AMOTL1: variants seen among roughly 807,000 people sequenced by gnomAD.
AMOTL1 encodes angiomotin-like protein 1.
In AMOTL1, 45 loss-of-function variants were observed where a neutral mutation model predicts 102.9. The ratio of observed to expected loss-of-function variants is 0.44; its 90% CI spans 0.34 to 0.56. AMOTL1 has a LOEUF of 0.56. Ranked by LOEUF, AMOTL1 falls within the 20% of genes least tolerant of loss-of-function variation. The pLI, the probability that AMOTL1 is intolerant of heterozygous loss-of-function variation, is 0.01. For synonymous variants in AMOTL1, 481 were observed against 484.7 expected, an observed-to-expected ratio of 0.99 and a Z score of 0.10; for missense variants, 1,114 against 1,225.6, an observed-to-expected ratio of 0.91 and a Z score of 1.36.
intron 4 of AMOTL1, among the ~76,000 whole-genome samples, chr11:94,826,858 TA>T (rs1951975646): frequency 6.6e-6 from 1 of 152,204 alleles, no homozygotes; most frequent in Non-Finnish European, 1.5e-5. Flanking sequence ...TCATAGGAAT[TA>T]CCTTGTTCTG....
At chr11:94,728,763 C>T (rs1950299834) in intron 1 of AMOTL1, among the ~76,000 whole-genome samples, 2 of 152,164 alleles carry the variant, frequency 1.3e-5, no homozygotes, top group South Asian at 4.1e-4. Context: ...TGAGCAACTT[C>T]ACACTCAGGC....
chr11:94,775,300 G>T (rs1392082486), intron 1 of AMOTL1, among the ~76,000 whole-genome samples: 1 of 152,298 alleles, frequency 6.6e-6, no homozygotes, highest in South Asian at 2.1e-4. Flanking sequence ...CATGAAGAAG[G>T]TTCCTGCAGT....
intron 3 of AMOTL1, among the ~76,000 whole-genome samples, chr11:94,807,167 A>G (rs2135588004): frequency 6.6e-6 from 1 of 152,316 alleles, no homozygotes; most frequent in East Asian, 1.9e-4. Flanking sequence ...AAAGAAAGAA[A>G]ATAGAAATTG....
chr11:94,803,492 C>T (rs1226801653), intron 3 of AMOTL1, among the ~76,000 whole-genome samples: 3 of 152,170 alleles, frequency 2.0e-5, no homozygotes, highest in Non-Finnish European at 2.9e-5. Flanking sequence ...TCTGGTTTTC[C>T]TCTTGTTCTA....
intron 3 of AMOTL1, among the ~76,000 whole-genome samples, chr11:94,754,030 T>G (rs920904716): frequency 1.3e-5 from 2 of 152,242 alleles, no homozygotes; most frequent in Non-Finnish European, 2.9e-5. Flanking sequence ...ATCTAACCCC[T>G]GTGGACTTCA....
In AMOTL1 at chr11:94,831,341, C is replaced by T. The variant is rs563867886; in HGVS notation, c.1559-111C>T. 955 of 831,516 alleles carry T rather than the reference C, an allele frequency of 1.1e-3. 3 individuals carry two copies. The highest frequency in any genetic ancestry group is 1.7e-3 in the Non-Finnish European group (915 of 529,650). The allele number at this position is 831,516 out of a possible 1,614,324, so 51.5% of individuals were successfully genotyped here. On this transcript the variant is annotated intron_variant, in intron 5 of 12. Transcript: ENST00000433060. ...CCCCAAGTTGTTCAGTTTTGGGCTC[C>T]TGCCTGAGCATCTCTTCCTCCCCAG...
At position 94,870,802 on chromosome 11, in the gene AMOTL1, T is replaced by A; in HGVS notation, c.*7T>A. On this transcript the variant is annotated 3_prime_UTR_variant, in exon 13 of 13. Coordinates refer to ENST00000433060, the MANE Select transcript of AMOTL1 (RefSeq NM_130847.3). ...GATGGAAGTCCTCATCTAACTGCCA[T>A]CCCTGTGGAATTTCAGTACAGAACA... 1 of 1,582,614 alleles carries A rather than the reference T, an allele frequency of 6.3e-7. No homozygotes were observed. Among genetic ancestry groups the A allele is most frequent in the Admixed American group, 1.8e-5 (1 of 56,788 alleles).
At chr11:94,812,016 T>A (rs142857027) in intron 3 of AMOTL1, among the ~76,000 whole-genome samples, 12 of 152,336 alleles carry the variant, frequency 7.9e-5, no homozygotes, top group Non-Finnish European at 1.6e-4. Context: ...GAAAAGGAGC[T>A]GTACAGCAAA....
intron 3 of AMOTL1, among the ~76,000 whole-genome samples, chr11:94,760,545 C>T (rs1401906482): frequency 6.6e-6 from 1 of 152,222 alleles, no homozygotes; most frequent in African/African-American, 2.4e-5. Flanking sequence ...CTGGAATGCT[C>T]TTCCTGCCTC....
chr11:94,868,984 A>T (rs973994673), intron 11 of AMOTL1, among the ~76,000 whole-genome samples: 2 of 151,616 alleles, frequency 1.3e-5, no homozygotes, highest in African/African-American at 2.4e-5. Context: ...AAAAACCTAC[A>T]ATTTTTTAGG....
At chr11:94,854,978 C>T (rs1952631079) in intron 8 of AMOTL1, among the ~76,000 whole-genome samples, 2 of 152,182 alleles carry the variant, frequency 1.3e-5, no homozygotes, top group Non-Finnish European at 2.9e-5. Flanking sequence ...GCCTGGGGTT[C>T]ACCTGCACCA....
intron 3 of AMOTL1, among the ~76,000 whole-genome samples, chr11:94,815,851 A>G (rs1364263554): frequency 6.6e-6 from 1 of 152,130 alleles, no homozygotes; most frequent in African/African-American, 2.4e-5. Context: ...GTTAAGAAAG[A>G]GGGATATTCA....
intron 11 of AMOTL1, among the ~76,000 whole-genome samples, chr11:94,868,236 G>A (rs1248170788): frequency 2.0e-5 from 3 of 152,216 alleles, no homozygotes; most frequent in Non-Finnish European, 4.4e-5. Context: ...AAACAGCTCT[G>A]GCGAGGATAC....
chr11:94,806,024 C>A (rs1951562459), intron 3 of AMOTL1, among the ~76,000 whole-genome samples: 1 of 152,182 alleles, frequency 6.6e-6, no homozygotes, highest in Non-Finnish European at 1.5e-5. Context: ...TAAAAAAATG[C>A]ATTATGCATT....
intron 6 of AMOTL1, among the ~76,000 whole-genome samples, chr11:94,831,995 T>A (rs984603353): frequency 6.6e-6 from 1 of 152,244 alleles, no homozygotes; most frequent in African/African-American, 2.4e-5. Flanking sequence ...TCGCATTATA[T>A]ATCTCCATGT....
chr11:94,794,018 C>T (rs1015044529), intron 1 of AMOTL1, among the ~76,000 whole-genome samples: 1 of 152,180 alleles, frequency 6.6e-6, no homozygotes. Context: ...AATAATTAGT[C>T]ACTTACCACT....
chr11:94,817,776 A>G (rs901624124), intron 3 of AMOTL1, among the ~76,000 whole-genome samples: 1 of 152,226 alleles, frequency 6.6e-6, no homozygotes, highest in African/African-American at 2.4e-5. Context: ...ACACTAGAAT[A>G]GAGGAAAAAC....
chr11:94,775,793 A>G (rs1951019569), intron 1 of AMOTL1, among the ~76,000 whole-genome samples: 1 of 152,184 alleles, frequency 6.6e-6, no homozygotes, highest in Non-Finnish European at 1.5e-5. Context: ...TTTGAATGAA[A>G]TGTACCACAT....
intron 1 of AMOTL1, among the ~76,000 whole-genome samples, chr11:94,782,430 T>C (rs2847510): frequency 0.97 from 147,653 of 152,286 alleles, 71,693 homozygotes; most frequent in East Asian, 1. Flanking sequence ...ATTTTGTTGA[T>C]ATTATATACT....
Sources: allele counts gnomAD v4.1 joint callset (sites outside exome capture counted in the v4.1 genomes callset), GRCh38; gene constraint gnomAD v4.1.1; transcripts MANE v1.5; gene names NCBI Gene and HGNC (gene_info 2026-07-23, HGNC 2026-07-21).